Variants in EFCAB13 observed in about 807,000 individuals in gnomAD.
EFCAB13 encodes EF-hand calcium binding domain 13, also known as EF-hand calcium-binding domain-containing protein 13.
EFCAB13 carries 91 observed loss-of-function variants against 110.2 expected under a neutral mutation model. The observed-to-expected ratio is 0.83, with a 90% CI of 0.70 to 0.98. The LOEUF is 0.98. Ranked by LOEUF, EFCAB13 falls within the 50% of genes least tolerant of loss-of-function variation. The pLI is 0.00. For missense variants in EFCAB13, 968 were observed against 1,119.4 expected (o/e 0.86, Z 1.93); for synonymous variants, 323 against 369.9 (o/e 0.87, Z 1.45).
chr17:47,330,378 G>A (rs892514156), intron 4 of EFCAB13, among the ~76,000 whole-genome samples: 1 of 151,876 alleles, frequency 6.6e-6, no homozygotes, highest in Non-Finnish European at 1.5e-5. Context: ...ATTATACAGT[G>A]GTGAAGTCTG....
At chr17:47,377,320 C>A (rs1598740601) in intron 12 of EFCAB13, among the ~76,000 whole-genome samples, 1 of 152,080 alleles carries the variant, frequency 6.6e-6, no homozygotes, top group South Asian at 2.1e-4. Context: ...CACCATCACA[C>A]CCAGCTAATT....
chr17:47,327,611 C>A (rs1262246271), intron 3 of EFCAB13, among the ~76,000 whole-genome samples: 1 of 152,186 alleles, frequency 6.6e-6, no homozygotes, highest in Non-Finnish European at 1.5e-5. Context: ...CATGCCACCA[C>A]GTCCAACTAA....
rs951924010 is a variant in EFCAB13 at position 47,394,188 on chromosome 17, T to C, written c.1801+89T>C. The C allele has an allele frequency of 2.0e-4, 153 of 758,094 alleles. 1 individual carries two copies. Among genetic ancestry groups the C allele is most frequent in the Admixed American group, 3.0e-4 (10 of 33,390 alleles). 47.0% of individuals were successfully genotyped at this position (758,094 alleles called of 1,614,324 possible). On this transcript the variant is annotated intron_variant, in intron 16 of 24. Transcript: ENST00000331493. Reference sequence around the variant, plus strand: ...GCGTAAACACTCTTTTAGTCTCTTATAGAGCTAGTTATCCTGCAGGTCATC... The same window carrying C: ...GCGTAAACACTCTTTTAGTCTCTTACAGAGCTAGTTATCCTGCAGGTCATC...
chr17:47,414,533 G>T (rs1904366659), intron 22 of EFCAB13, among the ~76,000 whole-genome samples: 1 of 150,958 alleles, frequency 6.6e-6, no homozygotes. Flanking sequence ...AAAAAAATAG[G>T]CATGCGAAGA....
At chr17:47,362,674 G>T (rs546146494) in intron 10 of EFCAB13, among the ~76,000 whole-genome samples, 1 of 152,144 alleles carries the variant, frequency 6.6e-6, no homozygotes, top group Admixed American at 6.5e-5. Flanking sequence ...GTTCCATCCT[G>T]TACACCTGGC....
intron 14 of EFCAB13, among the ~76,000 whole-genome samples, chr17:47,384,426 GTTT>G (rs776025324): frequency 7.2e-6 from 1 of 139,578 alleles, no homozygotes. Flanking sequence ...ATATACGACT[GTTT>G]TTTTTTTTTG....
Position 47,391,500 on chromosome 17 carries a change from T to C in EFCAB13, c.1646T>C (p.Leu549Pro). The part of the protein sequence containing the change: ...IKDKNVDYED[L>P]NTCLQNFGIY... ...GATAAAAATGTGGATTATGAGGATC[T>C]AAATACTTGTCTTCAAAATTTTGGT... The change falls in exon 15 of 25, where the codon CTA becomes CCA. Residue 549 changes from leucine (L) to proline (P), a missense_variant. Coordinates refer to ENST00000331493, the MANE Select transcript of EFCAB13 (RefSeq NM_152347.5). 1 of 1,594,830 alleles carries C rather than the reference T, an allele frequency of 6.3e-7. No homozygotes were observed. Among genetic ancestry groups the C allele is most frequent in the Non-Finnish European group, 8.5e-7 (1 of 1,172,798 alleles).
Position 47,412,902 on chromosome 17 carries a change from G to A in EFCAB13, c.2408G>A (p.Cys803Tyr), listed in dbSNP as rs755600271. The A allele has an allele frequency of 6.2e-7, 1 of 1,611,656 alleles. No homozygotes were observed. The highest frequency in any genetic ancestry group is 1.1e-5 in the South Asian group (1 of 90,688). The change falls in exon 22 of 25, where the codon TGT (cysteine) becomes TAT (tyrosine). Residue 803 changes from cysteine (C) to tyrosine (Y), a missense_variant. Transcript: ENST00000331493. ...TEEDFNEALN[C>Y]CNVSDNMEVD... ...GAGGACTTCAATGAAGCCCTTAACT[G>A]TTGTAACGTCAGTGGTGAGCATTTT... is the stretch of plus-strand genomic sequence containing the variant.
intron 3 of EFCAB13, among the ~76,000 whole-genome samples, chr17:47,326,670 T>C (rs1420850527): frequency 6.6e-6 from 1 of 151,910 alleles, no homozygotes; most frequent in Non-Finnish European, 1.5e-5. Flanking sequence ...GTGAAGGCAG[T>C]AAGTGCTATG....
intron 23 of EFCAB13, among the ~76,000 whole-genome samples, chr17:47,421,009 C>T (rs557776955): frequency 4.1e-5 from 5 of 123,354 alleles, no homozygotes; most frequent in Admixed American, 7.4e-5. Context: ...GCCCCCCGTC[C>T]GGGAGGGAGG....
chr17:47,379,563 GT>G (rs1021126292), intron 14 of EFCAB13, among the ~76,000 whole-genome samples: 12 of 35,578 alleles, frequency 3.4e-4, no homozygotes, highest in Non-Finnish European at 4.1e-4. Context: ...GATATGGTTT[GT>G]TTTTTTTTTT....
intron 14 of EFCAB13, among the ~76,000 whole-genome samples, chr17:47,386,632 G>C (rs1810568436): frequency 6.6e-6 from 1 of 152,066 alleles, no homozygotes; most frequent in East Asian, 1.9e-4. Flanking sequence ...CCCTTTCCAG[G>C]GGAGTGAACA....
chr17:47,342,021 A>G lies in EFCAB13; in HGVS notation c.292A>G (p.Lys98Glu). 6.4e-7 allele frequency: 1 copy of G among 1,568,508 alleles called. No homozygotes were observed. The highest frequency in any genetic ancestry group is 8.7e-7 in the Non-Finnish European group (1 of 1,155,572). The change falls in exon 6 of 25, where the codon AAA becomes GAA. Residue 98 changes from lysine (K) to glutamate (E), a missense_variant. By Grantham distance (56) the Lys-to-Glu change is moderately conservative (BLOSUM62 1). Coordinates refer to ENST00000331493, the MANE Select transcript of EFCAB13 (RefSeq NM_152347.5). Reference sequence around the variant, plus strand: ...GAGTTTACAAGTACAACAGCACAGTAAAAGAACTGAGGTAAATAAAGATTT... The same window carrying G: ...GAGTTTACAAGTACAACAGCACAGTGAAAGAACTGAGGTAAATAAAGATTT... ...RKSLQVQQHS[K>E]RTEIIPPFLK...
intron 21 of EFCAB13, among the ~76,000 whole-genome samples, chr17:47,411,615 T>C (rs1235738798): frequency 6.6e-6 from 1 of 152,238 alleles, no homozygotes. Flanking sequence ...ATTGTTGATC[T>C]TAGAAGCTGT....
At chr17:47,383,940 G>A (rs2143389819) in intron 14 of EFCAB13, among the ~76,000 whole-genome samples, 1 of 152,232 alleles carries the variant, frequency 6.6e-6, no homozygotes, top group African/African-American at 2.4e-5. Flanking sequence ...AGTGGGGTGT[G>A]AAATTCTCTC....
chr17:47,422,477 G>GA (rs952784897), intron 23 of EFCAB13, among the ~76,000 whole-genome samples: 1 of 152,058 alleles, frequency 6.6e-6, no homozygotes, highest in Non-Finnish European at 1.5e-5. Context: ...TTAATAGGTA[G>GA]AAAAAATATG....
intron 14 of EFCAB13, among the ~76,000 whole-genome samples, chr17:47,389,363 T>C (rs1489525686): frequency 1.3e-5 from 2 of 152,094 alleles, no homozygotes; most frequent in South Asian, 2.1e-4. Context: ...TGGACCTGCA[T>C]CAAGGAAGCA....
chr17:47,378,810 T>C (rs1273346430), intron 13 of EFCAB13, among the ~76,000 whole-genome samples: 1 of 152,158 alleles, frequency 6.6e-6, no homozygotes, highest in Non-Finnish European at 1.5e-5. Flanking sequence ...GTTTTCAAGA[T>C]GGTATGAAAT....
chr17:47,411,736 A>C (rs951109551), intron 21 of EFCAB13, among the ~76,000 whole-genome samples: 1 of 152,210 alleles, frequency 6.6e-6, no homozygotes, highest in African/African-American at 2.4e-5. Flanking sequence ...AATTTTCAGC[A>C]TATGGAAACA....
Sources: gnomAD v4.1 joint callset for allele counts (sites outside exome capture counted in the v4.1 genomes callset) on GRCh38, gnomAD v4.1.1 for gene constraint, MANE v1.5 for transcripts, NCBI Gene and HGNC (gene_info 2026-07-23, HGNC 2026-07-21) for gene names.